The following MEF2C variants were observed in gnomAD, a reference collection of about 807,000 sequenced individuals.
MEF2C encodes myocyte-specific enhancer factor 2C.
Under a neutral mutation model 50.5 loss-of-function variants are expected in MEF2C, and 6 were observed. The observed-to-expected ratio is 0.12, with a 90% CI of 0.07 to 0.23. MEF2C has a LOEUF of 0.23. Among genes scored for constraint, MEF2C ranks in the 10% least tolerant of loss-of-function variants. MEF2C has a pLI of 1.00. For synonymous variants in MEF2C, 183 were observed against 228.0 expected, an observed-to-expected ratio of 0.80 and a Z score of 1.78; for missense variants, 276 against 605.0, an observed-to-expected ratio of 0.46 and a Z score of 5.70.
At chr5:88,759,134 T>C (rs1382727310) in intron 4 of MEF2C, among the ~76,000 whole-genome samples, 1 of 152,226 alleles carries the variant, frequency 6.6e-6, no homozygotes, top group South Asian at 2.1e-4. Flanking sequence ...AATGCACAGC[T>C]GCTCCACACC....
At chr5:88,842,802 T>C (rs1439793713) in intron 1 of MEF2C, among the ~76,000 whole-genome samples, 1 of 152,208 alleles carries the variant, frequency 6.6e-6, no homozygotes, top group Non-Finnish European at 1.5e-5. Context: ...AGAATCTAAA[T>C]AATAATAATC....
chr5:88,779,395 TG>T (rs1421804480), intron 3 of MEF2C, among the ~76,000 whole-genome samples: 1 of 152,144 alleles, frequency 6.6e-6, no homozygotes, highest in Admixed American at 6.5e-5. Context: ...TTAAGGCAGG[TG>T]GCTGGGAGAA....
At chr5:88,888,170 A>T (rs1834188352), upstream of MEF2C, 1 of 152,176 alleles carries the variant, frequency 6.6e-6, no homozygotes, top group Non-Finnish European at 1.5e-5. Context: ...ATAATACCTT[A>T]TTTTTCCAAG....
chr5:88,735,935 T>G, intron 6 of MEF2C: 1 of 985,404 alleles, frequency 1.0e-6, no homozygotes, highest in Non-Finnish European at 1.2e-6. Context: ...TGTTTCTTTT[T>G]CTTTTCTAGG....
At chr5:88,814,278 G>A (rs1804261980) in intron 2 of MEF2C, among the ~76,000 whole-genome samples, 4 of 151,636 alleles carry the variant, frequency 2.6e-5, no homozygotes, top group Non-Finnish European at 5.9e-5. Flanking sequence ...GCGAGCTTTA[G>A]GCCCGATGAT....
At chr5:88,796,430 G>A (rs550339583) in intron 3 of MEF2C, among the ~76,000 whole-genome samples, 138 of 152,188 alleles carry the variant, frequency 9.1e-4, no homozygotes, top group African/African-American at 3.2e-3. Flanking sequence ...TTGCATAGAG[G>A]TGTTTATAGT....
At chr5:88,902,248 C>T (rs1214348317) in intron 1 of MEF2C, among the ~76,000 whole-genome samples, 2 of 151,476 alleles carry the variant, frequency 1.3e-5, no homozygotes, top group African/African-American at 4.8e-5. Context: ...TATAGTTACT[C>T]AGGTGTCTGA....
chr5:88,797,455 C>CTTTTTTTT lies in MEF2C; in HGVS notation c.258+7135_258+7142dup, dbSNP rs879036291. The stretch of plus-strand genomic sequence containing the variant: ...CACAGACTAGGATTGCAACCCTTGC[C>CTTTTTTTT]TTTTTTTTTTTTTTTTTTTTTTTTT... On this transcript the variant is annotated intron_variant, in intron 3 of 10. Transcript: ENST00000504921. Among the ~76,000 whole-genome samples the CTTTTTTTT allele has an allele frequency of 5.5e-4, 35 of 63,296 alleles. 3 individuals are homozygous for CTTTTTTTT. The highest frequency in any genetic ancestry group is 1.5e-3 in the East Asian group (3 of 2,068). 41.5% of individuals were successfully genotyped at this position (63,296 alleles called of 152,430 possible).
chr5:88,722,023 T>C lies in MEF2C; in HGVS notation c.*581A>G, dbSNP rs939587282. On this transcript the variant is annotated 3_prime_UTR_variant, in exon 11 of 11. Transcript: ENST00000504921. ...CCTCCAACTCCACATTTTTTTTTAATAGGTATGGTCCTCTTTTAATGGTCT... is the reference window on the plus strand; with the variant it reads ...CCTCCAACTCCACATTTTTTTTTAACAGGTATGGTCCTCTTTTAATGGTCT... 1 of 152,618 alleles carries C rather than the reference T, an allele frequency of 6.6e-6. No individual in the cohort carries two copies. The highest frequency in any genetic ancestry group is 2.4e-5 in the African/African-American group (1 of 41,464). 9.5% of individuals were successfully genotyped at this position (152,618 alleles called of 1,614,324 possible).
chr5:88,846,607 T>A (rs766153968), intron 1 of MEF2C, among the ~76,000 whole-genome samples: 95 of 152,214 alleles, frequency 6.2e-4, no homozygotes, highest in Non-Finnish European at 1.1e-3. Flanking sequence ...ACACAGTTTA[T>A]CCCTGCAGGG....
intron 1 of MEF2C, among the ~76,000 whole-genome samples, chr5:88,874,440 G>T (rs1830470162): frequency 6.6e-6 from 1 of 151,874 alleles, no homozygotes. Flanking sequence ...ATAAATGTCA[G>T]AAAGTATTGA....
intron 6 of MEF2C, chr5:88,740,022 G>A (rs1765846439): frequency 1.7e-5 from 17 of 985,160 alleles, no homozygotes; most frequent in Non-Finnish European, 2.0e-5. Context: ...AGTGCATTTT[G>A]TGGTATATTC....
intron 3 of MEF2C, among the ~76,000 whole-genome samples, chr5:88,800,510 G>C (rs1396121264): frequency 6.6e-6 from 1 of 152,166 alleles, no homozygotes; most frequent in African/African-American, 2.4e-5. Context: ...TGAAGCAATG[G>C]GCTGTAAGCA....
intron 2 of MEF2C, among the ~76,000 whole-genome samples, chr5:88,816,268 G>C (rs1213111503): frequency 6.6e-6 from 1 of 151,990 alleles, no homozygotes; most frequent in Admixed American, 6.6e-5. Context: ...TAAAGGAGTA[G>C]ATCTAGCTGA....
chr5:88,745,530 C>T (rs1769008959), intron 6 of MEF2C, among the ~76,000 whole-genome samples: 1 of 152,192 alleles, frequency 6.6e-6, no homozygotes, highest in Non-Finnish European at 1.5e-5. Context: ...CACACTGAGG[C>T]CGGGTGCAGA....
Position 88,721,188 on chromosome 5 carries a change from T to A in MEF2C, c.*1416A>T, listed in dbSNP as rs1227941684. On this transcript the variant is annotated 3_prime_UTR_variant, in exon 11 of 11. Coordinates refer to ENST00000504921, the MANE Select transcript of MEF2C (RefSeq NM_002397.5). ...GCATATTTCTAAAAAGCGTATCAAA[T>A]TCTAGGCTGAAAACCAACCAGATGA... 1 of 152,642 alleles carries A rather than the reference T, an allele frequency of 6.6e-6. No individual in the cohort carries two copies. The highest frequency in any genetic ancestry group is 1.5e-5 in the Non-Finnish European group (1 of 68,026). 9.5% of individuals were successfully genotyped at this position (152,642 alleles called of 1,614,324 possible).
intron 1 of MEF2C, chr5:88,844,548 T>G (rs1447040689): frequency 2.4e-6 from 1 of 415,830 alleles, no homozygotes; most frequent in African/African-American, 2.2e-5. Flanking sequence ...TGTTTCTGCT[T>G]GGTTTTTTGT....
chr5:88,799,114 C>T (rs1321028151), intron 3 of MEF2C, among the ~76,000 whole-genome samples: 2 of 152,178 alleles, frequency 1.3e-5, no homozygotes, highest in African/African-American at 4.8e-5. Context: ...TCAGGAGGCA[C>T]GGGGGGTCAG....
At chr5:88,897,585 TAAACTTAAGAA>T (rs1283395697) in intron 1 of MEF2C, among the ~76,000 whole-genome samples, 24 of 152,332 alleles carry the variant, frequency 1.6e-4, no homozygotes, top group Middle Eastern at 6.8e-3. Flanking sequence ...TTTAGCATCT[TAAACTTAAGAA>T]AAACTTAAGA....
Sources: gnomAD v4.1 joint callset for allele counts (sites outside exome capture counted in the v4.1 genomes callset) on GRCh38, gnomAD v4.1.1 for gene constraint, MANE v1.5 for transcripts, NCBI Gene and HGNC (gene_info 2026-07-23, HGNC 2026-07-21) for gene names.